PTPRK: variants seen among roughly 807,000 people sequenced by gnomAD.
PTPRK encodes receptor-type tyrosine-protein phosphatase kappa.
In PTPRK, 75 loss-of-function variants were observed where a neutral mutation model predicts 178.0. The observed-to-expected ratio is 0.42, with a 90% CI of 0.35 to 0.51. The LOEUF is 0.51. PTPRK is among the 20% of genes least tolerant of loss of function. PTPRK has a pLI of 0.02. For synonymous variants in PTPRK, 637 were observed against 620.6 expected (o/e 1.03, Z -0.39); for missense variants, 1,441 against 1,797.8 (o/e 0.80, Z 3.59).
intron 3 of PTPRK, among the ~76,000 whole-genome samples, chr6:128,245,692 T>C (rs1439004390): frequency 1.3e-5 from 2 of 152,240 alleles, no homozygotes; most frequent in Admixed American, 6.5e-5. Flanking sequence ...GGGTGTGCAA[T>C]ATGTGTGTGC....
intron 6 of PTPRK, among the ~76,000 whole-genome samples, chr6:128,216,759 C>T (rs1286374910): frequency 2.0e-5 from 3 of 150,960 alleles, no homozygotes; most frequent in East Asian, 3.9e-4. Flanking sequence ...CAAAATGATT[C>T]TCTTTTAAAA....
intron 3 of PTPRK, among the ~76,000 whole-genome samples, chr6:128,290,730 TG>T (rs1207045731): frequency 6.6e-6 from 1 of 152,086 alleles, no homozygotes; most frequent in Non-Finnish European, 1.5e-5. Context: ...AGCAACATAC[TG>T]AATGAAACTC....
At chr6:128,190,030 G>A (rs527626919) in intron 6 of PTPRK, among the ~76,000 whole-genome samples, 1 of 152,102 alleles carries the variant, frequency 6.6e-6, no homozygotes, top group Non-Finnish European at 1.5e-5. Context: ...ATAGAAAGAT[G>A]ACCTTTGCTC....
At chr6:128,073,103 A>G (rs1195179895) in intron 11 of PTPRK, among the ~76,000 whole-genome samples, 1 of 152,112 alleles carries the variant, frequency 6.6e-6, no homozygotes, top group Non-Finnish European at 1.5e-5. Context: ...ATAGTTTTTT[A>G]GGTATATGTC....
At chr6:128,322,434 A>C in intron 2 of PTPRK, 124 bp from the exon 3 acceptor site, 1 of 901,864 alleles carries the variant, frequency 1.1e-6, no homozygotes, top group Non-Finnish European at 1.7e-6. Flanking sequence ...TTTCCAGAAC[A>C]CAGCCACAGA....
chr6:127,985,694 G>A lies in PTPRK; in HGVS notation c.3251+27C>T, dbSNP rs11759801. The A allele has an allele frequency of 3.5e-3, 5,555 of 1,592,020 alleles. 20 individuals carry two copies. Among genetic ancestry groups the A allele is most frequent in the Non-Finnish European group, 4.3e-3 (4,961 of 1,163,412 alleles). ...CTCTAAAAAAAGCTGATTGCATACA[G>A]TCAATACCATTTGGACCACCACTTA... On this transcript the variant is annotated intron_variant, in intron 22 of 29. Transcript: ENST00000368226.
intron 2 of PTPRK, among the ~76,000 whole-genome samples, chr6:128,357,548 G>A (rs1454781225): frequency 6.6e-6 from 1 of 152,186 alleles, no homozygotes; most frequent in East Asian, 1.9e-4. Context: ...TAGCTCCACT[G>A]TAAGTCTTAA....
At chr6:128,218,592 G>T in intron 6 of PTPRK, among the ~76,000 whole-genome samples, 1 of 152,208 alleles carries the variant, frequency 6.6e-6, no homozygotes, top group African/African-American at 2.4e-5. Flanking sequence ...CCGCAGAACT[G>T]TTTTAAACGG....
Position 128,322,038 on chromosome 6 carries a change from C to G in PTPRK, c.495+1G>C. 1 of 1,613,800 alleles carries G rather than the reference C, an allele frequency of 6.2e-7. No individual in the cohort carries two copies. The highest frequency in any genetic ancestry group is 8.5e-7 in the Non-Finnish European group (1 of 1,179,856). On this transcript the variant is annotated splice_donor_variant, in intron 3 of 29. Transcript: ENST00000368226. LOFTEE classifies it high-confidence loss of function. The stretch of plus-strand genomic sequence containing the variant: ...TACACCAGAAAAGTACAGATGATTA[C>G]CTGATATTCATTGGGCCAAAAGGTG...
intron 13 of PTPRK, among the ~76,000 whole-genome samples, chr6:128,013,453 A>G (rs190711476): frequency 4.5e-4 from 68 of 151,592 alleles, no homozygotes; most frequent in Admixed American, 1.3e-3. Flanking sequence ...TCAATGTATG[A>G]CAGTCACCTT....
intron 5 of PTPRK, among the ~76,000 whole-genome samples, chr6:128,231,523 G>T (rs1458190866): frequency 6.6e-6 from 1 of 152,206 alleles, no homozygotes; most frequent in Admixed American, 6.5e-5. Flanking sequence ...AGAAGTTACA[G>T]AAGCAGCCAA....
At chr6:128,352,334 TA>T (rs1395721064) in intron 2 of PTPRK, among the ~76,000 whole-genome samples, 4 of 151,852 alleles carry the variant, frequency 2.6e-5, no homozygotes, top group Non-Finnish European at 5.9e-5. Flanking sequence ...AAAACAACTT[TA>T]AATGTAAAAC....
chr6:128,182,135 C>T (rs1802014361), intron 7 of PTPRK, among the ~76,000 whole-genome samples: 1 of 150,582 alleles, frequency 6.6e-6, no homozygotes, highest in Non-Finnish European at 1.5e-5. Context: ...AACAAATAAA[C>T]TTAATACTGT....
At chr6:128,440,733 C>G (rs1205745924) in intron 1 of PTPRK, among the ~76,000 whole-genome samples, 1 of 152,016 alleles carries the variant, frequency 6.6e-6, no homozygotes, top group East Asian at 1.9e-4. Flanking sequence ...CTTTCCATAT[C>G]AGTATATAAA....
chr6:128,354,379 A>C (rs948417777), intron 2 of PTPRK, among the ~76,000 whole-genome samples: 3 of 151,346 alleles, frequency 2.0e-5, no homozygotes, highest in Non-Finnish European at 4.4e-5. Context: ...CTGGGACTAC[A>C]GGCATCCACC....
At chr6:128,148,581 T>C (rs781620737) in intron 7 of PTPRK, among the ~76,000 whole-genome samples, 1 of 152,152 alleles carries the variant, frequency 6.6e-6, no homozygotes, top group Admixed American at 6.6e-5. Context: ...CAGTTAATGC[T>C]GATCATTAGC....
At chr6:128,017,696 ACTCTCT>A in intron 13 of PTPRK, among the ~76,000 whole-genome samples, 1 of 137,490 alleles carries the variant, frequency 7.3e-6, no homozygotes, top group African/African-American at 2.7e-5. Flanking sequence ...GCTCGCTCTC[ACTCTCT>A]CTCTCTCTCC....
At chr6:128,501,949 T>C (rs967431947) in intron 1 of PTPRK, among the ~76,000 whole-genome samples, 6 of 152,342 alleles carry the variant, frequency 3.9e-5, no homozygotes, top group Middle Eastern at 3.4e-3. Flanking sequence ...AAAGTGGCAA[T>C]GTATAGCAGA....
chr6:128,245,591 C>G (rs1583672280), intron 3 of PTPRK, among the ~76,000 whole-genome samples: 1 of 152,102 alleles, frequency 6.6e-6, no homozygotes, highest in Non-Finnish European at 1.5e-5. Context: ...ATTGATTTTA[C>G]TGGAATAAGC....
Sources: allele counts gnomAD v4.1 joint callset (sites outside exome capture counted in the v4.1 genomes callset), GRCh38; gene constraint gnomAD v4.1.1; transcripts MANE v1.5; gene names NCBI Gene and HGNC (gene_info 2026-07-23, HGNC 2026-07-21).